DSG1: variants seen among roughly 807,000 people sequenced by gnomAD.
DSG1 encodes desmoglein 1.
DSG1 carries 39 observed loss-of-function variants against 97.5 expected under a neutral mutation model. That is an observed-to-expected ratio of 0.40 (90% CI 0.31 to 0.52). The LOEUF (loss-of-function observed/expected upper bound fraction) is 0.52, where lower values mean the gene tolerates loss of function less well. DSG1 is among the 20% of genes least tolerant of loss of function. The pLI, the probability that DSG1 is intolerant of heterozygous loss-of-function variation, is 0.53. For missense variants in DSG1, 1,311 were observed against 1,295.4 expected, an observed-to-expected ratio of 1.01 and a Z score of -0.18; for synonymous variants, 475 against 443.4, an observed-to-expected ratio of 1.07 and a Z score of -0.90.
Position 31,326,926 on chromosome 18 carries a change from G to A in DSG1, c.137G>A (p.Arg46Lys). 6.2e-7 allele frequency: 1 copy of A among 1,613,844 alleles called. No individual in the cohort carries two copies. Among genetic ancestry groups the A allele is most frequent in the Non-Finnish European group, 8.5e-7 (1 of 1,179,888 alleles). Residue 46 changes from arginine (R) to lysine (K), a missense_variant, in exon 3 of 15, where the codon AGG becomes AAG. By Grantham distance (26) the Arg-to-Lys change is conservative (BLOSUM62 2). This residue lies in a region of DSG1 where 259 missense variants were observed against 304.1 expected (regional missense o/e 0.85). Transcript: ENST00000257192. ...NGTIKWHSIRRQKREWIKFAA... is the reference protein window; with the variant it reads ...NGTIKWHSIRKQKREWIKFAA... Reference sequence around the variant, plus strand: ...ACCATCAAATGGCATTCAATCCGAAGGCAGAAACGTGAATGGATCAAGTTC... The same window carrying A: ...ACCATCAAATGGCATTCAATCCGAAAGCAGAAACGTGAATGGATCAAGTTC...
At position 31,327,023 on chromosome 18, in the gene DSG1, A is replaced by C; in HGVS notation, c.216+18A>C. The C allele has an allele frequency of 6.2e-7, 1 of 1,613,614 alleles. No homozygotes were observed. Among genetic ancestry groups the C allele is most frequent in the Non-Finnish European group, 8.5e-7 (1 of 1,179,652 alleles). On this transcript the variant is annotated intron_variant, in intron 3 of 14. Coordinates refer to ENST00000257192, the MANE Select transcript of DSG1 (RefSeq NM_001942.4). The stretch of plus-strand genomic sequence containing the variant: ...TCGCCAAAGTAGGTATCAACTCCAA[A>C]GCATAACATTGAAAATCAGAATGGA...
At chr18:31,335,387 C>A (rs1173802723) in intron 8 of DSG1, among the ~76,000 whole-genome samples, 1 of 152,012 alleles carries the variant, frequency 6.6e-6, no homozygotes, top group African/African-American at 2.4e-5. Flanking sequence ...ATCTATTTTG[C>A]CCCAAACTAT....
At chr18:31,333,780 A>G (rs781649542) in intron 7 of DSG1, 57 bp downstream of exon 7, 7 of 1,590,042 alleles carry the variant, frequency 4.4e-6, no homozygotes, top group Admixed American at 1.7e-5. Flanking sequence ...TAAAACATAT[A>G]CGAACAATTC....
intron 13 of DSG1, among the ~76,000 whole-genome samples, chr18:31,344,919 A>G (rs1324313209): frequency 6.6e-6 from 1 of 152,198 alleles, no homozygotes. Flanking sequence ...AAATGTGTAT[A>G]ACTTGTAGAA....
chr18:31,322,755 A>G (rs1323727177), intron 1 of DSG1, among the ~76,000 whole-genome samples: 1 of 152,252 alleles, frequency 6.6e-6, no homozygotes, highest in Admixed American at 6.5e-5. Flanking sequence ...GTTAGAATTC[A>G]ACGCTTAGCA....
At chr18:31,331,979 A>G (rs1347291328) in intron 6 of DSG1, 112 bp downstream of exon 6, 11 of 1,064,506 alleles carry the variant, frequency 1.0e-5, no homozygotes, top group Admixed American at 7.1e-5. Flanking sequence ...TTTTACTTGT[A>G]TAACTTTTTC....
intron 10 of DSG1, among the ~76,000 whole-genome samples, chr18:31,339,496 T>G (rs2071774927): frequency 6.6e-6 from 1 of 151,960 alleles, no homozygotes; most frequent in African/African-American, 2.4e-5. Flanking sequence ...ATCCAACTAT[T>G]GGTAATGTAA....
intron 1 of DSG1, among the ~76,000 whole-genome samples, chr18:31,325,185 G>A (rs11081690): frequency 0.41 from 62,638 of 151,828 alleles, 14,133 homozygotes; most frequent in Non-Finnish European, 0.5. Context: ...TACAAATCCA[G>A]TTGAGAGTCT....
chr18:31,338,559 A>C, intron 10 of DSG1, 105 bp downstream of exon 10: 1 of 1,267,786 alleles, frequency 7.9e-7, no homozygotes, highest in Non-Finnish European at 1.1e-6. Flanking sequence ...TTTCCAACAA[A>C]AGTTGTCACA....
chr18:31,352,399 A>G lies in DSG1; in HGVS notation c.2101-1898A>G, dbSNP rs1288203337. Among the ~76,000 whole-genome samples the G allele has an allele frequency of 2.0e-5, 3 of 150,824 alleles. No individual in the cohort carries two copies. The East Asian group carries it at 5.8e-4, about 29-fold the overall frequency. Reference sequence around the variant, plus strand: ...CCGACCTTTCTCTCTGGCTGCCCTTAACATTTTTTCCTTCATTTCAACTTT... The same window carrying G: ...CCGACCTTTCTCTCTGGCTGCCCTTGACATTTTTTCCTTCATTTCAACTTT... On this transcript the variant is annotated intron_variant, in intron 14 of 14. Coordinates refer to ENST00000257192, the MANE Select transcript of DSG1 (RefSeq NM_001942.4).
chr18:31,336,515 A>G lies in DSG1; in HGVS notation c.1167A>G (p.Ser389=). Residue 389 remains serine, a synonymous_variant, in exon 9 of 15, where the codon TCA becomes TCG. Coordinates refer to ENST00000257192, the MANE Select transcript of DSG1 (RefSeq NM_001942.4). ...AAGGCCCAGTGTTTCGTCCAGGTTC[A>G]AAGACATATGTTGTAACTGGTAATA... ...VIEGPVFRPG[S]KTYVVTGNMG... 1 of 1,614,070 alleles carries G rather than the reference A, an allele frequency of 6.2e-7. No homozygotes were observed. Among genetic ancestry groups the G allele is most frequent in the Non-Finnish European group, 8.5e-7 (1 of 1,179,944 alleles).
intron 11 of DSG1, 23 bp downstream of exon 11, chr18:31,340,048 G>T (rs200726194): frequency 6.2e-7 from 1 of 1,610,860 alleles, no homozygotes; most frequent in Non-Finnish European, 8.5e-7. Flanking sequence ...GCAATCCTAT[G>T]TATATGTGTC....
chr18:31,327,678 C>T (rs1208386639), intron 3 of DSG1, among the ~76,000 whole-genome samples: 1 of 152,130 alleles, frequency 6.6e-6, no homozygotes, highest in African/African-American at 2.4e-5. Context: ...TACACCCTTC[C>T]CATTTTCAGA....
At position 31,354,331 on chromosome 18, in the gene DSG1, G is replaced by A. The variant is rs372022015; in HGVS notation, c.2135G>A (p.Arg712His). The A allele has an allele frequency of 4.1e-5, 66 of 1,614,056 alleles. No individual in the cohort carries two copies. Among genetic ancestry groups the A allele is most frequent in the Middle Eastern group, 1.6e-4 (1 of 6,084 alleles). The change falls in exon 15 of 15, where the codon CGC (arginine) becomes CAC (histidine). Residue 712 changes from arginine (R) to histidine (H), a missense_variant. Arg to His is a conservative substitution (Grantham distance 29). This residue lies in a region of DSG1 where 1,038 missense variants were observed against 964.6 expected (regional missense o/e 1.08). Transcript: ENST00000257192. ...GCTTACGCAGATGAAGATGAAGGAC[G>A]CCCATCTAATGACTGTTTGCTCATA... ...AYAYADEDEGRPSNDCLLIYD... is the reference protein window; with the variant it reads ...AYAYADEDEGHPSNDCLLIYD...
chr18:31,325,498 G>C (rs886618253), intron 1 of DSG1, among the ~76,000 whole-genome samples: 2 of 152,142 alleles, frequency 1.3e-5, no homozygotes, highest in Admixed American at 1.3e-4. Context: ...GCAGCAAGGA[G>C]CATGCATTTA....
Position 31,353,691 on chromosome 18 carries a change from C to T in DSG1, c.2101-606C>T, listed in dbSNP as rs201801886. Among the ~76,000 whole-genome samples, 1,230 of 149,924 alleles carry T rather than the reference C, an allele frequency of 8.2e-3. 40 individuals are homozygous for T. The South Asian group carries it at 0.088, about 11-fold the overall frequency. Reference sequence around the variant, plus strand: ...CTCGTGGTGCGCCGTTTTTTAAGCCCGTCGGAAAAGCGCAGTATTCGGGTG... The same window carrying T: ...CTCGTGGTGCGCCGTTTTTTAAGCCTGTCGGAAAAGCGCAGTATTCGGGTG... On this transcript the variant is annotated intron_variant, in intron 14 of 14. Transcript: ENST00000257192.
intron 3 of DSG1, 150 bp from the exon 4 acceptor site, chr18:31,328,039 G>C (rs906053807): frequency 2.6e-6 from 2 of 758,828 alleles, no homozygotes; most frequent in Admixed American, 5.8e-5. Flanking sequence ...AGCTGTAATT[G>C]TTACTCTTAT....
Position 31,354,574 on chromosome 18 carries a change from T to C in DSG1, c.2378T>C (p.Val793Ala). 6.2e-7 allele frequency: 1 copy of C among 1,614,180 alleles called. No individual in the cohort carries two copies. The highest frequency in any genetic ancestry group is 8.5e-7 in the Non-Finnish European group (1 of 1,180,036). The change falls in exon 15 of 15, where the codon GTT becomes GCT. Residue 793 changes from valine (V) to alanine (A), a missense_variant. By Grantham distance (64) the Val-to-Ala change is moderately conservative. Around this residue, in one of 3 missense-constraint regions of DSG1, gnomAD observed 1,038 missense variants for 964.6 expected, o/e 1.08. Transcript: ENST00000257192. ...CTTCCTCAGGAAACAGAGCCCGTTG[T>C]TAGTGGACACCCACCAATCTCCCCA... is the stretch of plus-strand genomic sequence containing the variant. Reference protein sequence around the residue: ...VCLPQETEPVVSGHPPISPHF... With the variant: ...VCLPQETEPVASGHPPISPHF...
In DSG1 at chr18:31,357,925, C is replaced by T. The variant is rs536898647; in HGVS notation, c.*2579C>T. On this transcript the variant is annotated 3_prime_UTR_variant, in exon 15 of 15. Coordinates refer to ENST00000257192, the MANE Select transcript of DSG1 (RefSeq NM_001942.4). ...TAAAATTCCCTTTTCAAGACATCAA[C>T]GATTTTAGTAGTTATTTAAAGGCAT... is the stretch of plus-strand genomic sequence containing the variant. Among the ~76,000 whole-genome samples, 2 of 151,972 alleles carry T rather than the reference C, an allele frequency of 1.3e-5. No individual in the cohort carries two copies. The highest frequency in any genetic ancestry group is 2.9e-5 in the Non-Finnish European group (2 of 67,852).
Sources: allele counts gnomAD v4.1 joint callset (sites outside exome capture counted in the v4.1 genomes callset), GRCh38; gene constraint gnomAD v4.1.1; regional missense constraint gnomAD v4.1.1; transcripts MANE v1.5; gene names NCBI Gene and HGNC (gene_info 2026-07-23, HGNC 2026-07-21).